The following ARHGAP22 variants were observed in gnomAD, a reference collection of about 807,000 sequenced individuals.
ARHGAP22 encodes the protein rho GTPase-activating protein 22.
A neutral mutation model predicts 59.1 loss-of-function variants in ARHGAP22; 48 were observed. The ratio of observed to expected loss-of-function variants is 0.81; its 90% CI spans 0.64 to 1.03. The LOEUF is 1.03. Ranked by LOEUF, ARHGAP22 falls within the 50% of genes least tolerant of loss-of-function variation. The pLI, the probability that ARHGAP22 is intolerant of heterozygous loss-of-function variation, is 0.00. For synonymous variants in ARHGAP22, 445 were observed against 416.4 expected (o/e 1.07, Z -0.84); for missense variants, 1,015 against 958.7 (o/e 1.06, Z -0.78).
intron 1 of ARHGAP22, among the ~76,000 whole-genome samples, chr10:48,637,267 G>C (rs2061858179): frequency 6.6e-6 from 1 of 152,222 alleles, no homozygotes. Flanking sequence ...GCTTGTGTGA[G>C]GCCACACAAT....
At chr10:48,591,633 A>G (rs1054939182) in intron 1 of ARHGAP22, among the ~76,000 whole-genome samples, 1 of 152,090 alleles carries the variant, frequency 6.6e-6, no homozygotes, top group African/African-American at 2.4e-5. Context: ...CCTAAGTCAC[A>G]TATAGAGAGT....
chr10:48,456,823 C>T (rs1296452262), intron 5 of ARHGAP22, among the ~76,000 whole-genome samples: 1 of 150,774 alleles, frequency 6.6e-6, no homozygotes. Flanking sequence ...CTCCCTCCCT[C>T]CCTCCCTCCT....
At chr10:48,606,335 T>G (rs755286066), upstream of ARHGAP22, among the ~76,000 whole-genome samples, 7 of 152,112 alleles carry the variant, frequency 4.6e-5, no homozygotes, top group African/African-American at 1.4e-4. Context: ...AGGGGAGGAC[T>G]GCAGAGTAAG....
At chr10:48,573,624 G>A (rs1464135016) in intron 2 of ARHGAP22, among the ~76,000 whole-genome samples, 2 of 152,218 alleles carry the variant, frequency 1.3e-5, no homozygotes, top group Admixed American at 6.5e-5. Flanking sequence ...GCCTTCGCAT[G>A]CTTCTTGAAG....
chr10:48,517,879 CTA>C (rs1430999176), intron 3 of ARHGAP22, among the ~76,000 whole-genome samples: 1 of 152,148 alleles, frequency 6.6e-6, no homozygotes, highest in Non-Finnish European at 1.5e-5. Flanking sequence ...GATAAAGAAA[CTA>C]AAGAAACTGA....
chr10:48,523,535 AGTTTTGGAAAACTCTGAGTCAG>A (rs1317604449), intron 3 of ARHGAP22, among the ~76,000 whole-genome samples: 2 of 152,178 alleles, frequency 1.3e-5, no homozygotes, highest in African/African-American at 4.8e-5. Flanking sequence ...TTCCGCCGCG[AGTTTTGGAAAACTCTGAGTCAG>A]GGCCCCACCG....
intron 2 of ARHGAP22, among the ~76,000 whole-genome samples, chr10:48,571,767 T>C (rs1427650286): frequency 6.6e-6 from 1 of 152,200 alleles, no homozygotes; most frequent in Non-Finnish European, 1.5e-5. Context: ...CACAGTTGCA[T>C]TTGGCAGCTG....
chr10:48,493,721 C>A, intron 3 of ARHGAP22: 1 of 1,265,502 alleles, frequency 7.9e-7, no homozygotes, highest in South Asian at 2.1e-5. Flanking sequence ...GCAAGAAGGA[C>A]TTGCTGGGAT....
rs562610661 is a variant in ARHGAP22, at chr10:48,578,028, C to T, written c.234+4925G>A. Among the ~76,000 whole-genome samples the T allele has an allele frequency of 2.0e-4, 30 of 152,032 alleles. No homozygotes were observed. The East Asian group carries it at 4.6e-3, about 24-fold the overall frequency. On this transcript the variant is annotated intron_variant, in intron 2 of 9. Transcript: ENST00000249601. ...TTCACCATGTTGGCTAGGCTGGTCTCGAACTCCTGACCTCAAATGATCTGC... is the reference window on the plus strand; with the variant it reads ...TTCACCATGTTGGCTAGGCTGGTCTTGAACTCCTGACCTCAAATGATCTGC...
upstream of ARHGAP22, among the ~76,000 whole-genome samples, chr10:48,654,449 C>T (rs189477029): frequency 7.0e-4 from 107 of 152,342 alleles, no homozygotes; most frequent in African/African-American, 2.5e-3. Context: ...CCCTGAACCA[C>T]CCAAACCAAT....
chr10:48,502,819 C>A lies in ARHGAP22; in HGVS notation c.323-23055G>T, dbSNP rs193197113. Among the ~76,000 whole-genome samples the A allele has an allele frequency of 3.6e-3, 550 of 152,360 alleles. 3 individuals carry two copies. Among genetic ancestry groups the A allele is most frequent in the African/African-American group, 0.012 (513 of 41,576 alleles). Reference sequence around the variant, plus strand: ...CAGACACTGTGCCACATACTGGGGACACAGCAGTGACAAAAGCAAGAGTCT... The same window carrying A: ...CAGACACTGTGCCACATACTGGGGAAACAGCAGTGACAAAAGCAAGAGTCT... On this transcript the variant is annotated intron_variant, in intron 3 of 9. Transcript: ENST00000249601.
chr10:48,582,837 A>G, intron 2 of ARHGAP22, 116 bp downstream of exon 2: 3 of 1,228,334 alleles, frequency 2.4e-6, no homozygotes, highest in South Asian at 2.9e-5. Flanking sequence ...TCCTGGCAAA[A>G]CATCACTGTG....
At chr10:48,455,189 G>A (rs1349621681) in intron 5 of ARHGAP22, 55 bp from the exon 6 acceptor site, 1 of 1,549,582 alleles carries the variant, frequency 6.5e-7, no homozygotes, top group East Asian at 2.3e-5. Flanking sequence ...GGGACTTCAG[G>A]GGTGACTGGT....
intron 3 of ARHGAP22, among the ~76,000 whole-genome samples, chr10:48,533,181 G>GTTTT (rs75585707): frequency 9.8e-5 from 14 of 142,462 alleles, no homozygotes; most frequent in Admixed American, 6.9e-4. Context: ...TTGTTCTGTT[G>GTTTT]TTTTTTTTTT....
intron 2 of ARHGAP22, among the ~76,000 whole-genome samples, chr10:48,579,577 CTT>C: frequency 6.6e-6 from 1 of 152,316 alleles, no homozygotes; most frequent in East Asian, 1.9e-4. Flanking sequence ...TGTATCTATG[CTT>C]TCTGTCCTCT....
chr10:48,595,971 C>A (rs2060043035), intron 1 of ARHGAP22, among the ~76,000 whole-genome samples: 1 of 152,092 alleles, frequency 6.6e-6, no homozygotes, highest in Non-Finnish European at 1.5e-5. Flanking sequence ...CATTCCTGCC[C>A]CCAGGAGTGA....
intron 3 of ARHGAP22, among the ~76,000 whole-genome samples, chr10:48,483,532 A>G (rs983405690): frequency 2.0e-5 from 3 of 152,150 alleles, no homozygotes; most frequent in African/African-American, 7.2e-5. Flanking sequence ...CCAACAATGT[A>G]TAAGAGTTTT....
intron 4 of ARHGAP22, chr10:48,478,896 C>T (rs2048993788): frequency 6.5e-6 from 1 of 152,750 alleles, no homozygotes; most frequent in South Asian, 2.1e-4. Context: ...ATGGTCCACT[C>T]CTCATGTGGT....
At chr10:48,509,305 C>T (rs949876875) in intron 3 of ARHGAP22, among the ~76,000 whole-genome samples, 1 of 152,098 alleles carries the variant, frequency 6.6e-6, no homozygotes, top group Non-Finnish European at 1.5e-5. Flanking sequence ...CTCAGGAGCA[C>T]CCAGGACAGG....
Sources: allele counts gnomAD v4.1 joint callset (sites outside exome capture counted in the v4.1 genomes callset), GRCh38; gene constraint gnomAD v4.1.1; transcripts MANE v1.5; gene names NCBI Gene and HGNC (gene_info 2026-07-23, HGNC 2026-07-21).